The following CCSER1 variants were observed in gnomAD, a reference collection of about 807,000 sequenced individuals.
CCSER1 encodes coiled-coil serine rich protein 1, also known as serine-rich coiled-coil domain-containing protein 1.
CCSER1 carries 41 observed loss-of-function variants against 82.0 expected under a neutral mutation model. The observed-to-expected ratio is 0.50, with a 90% confidence interval of 0.39 to 0.65. CCSER1 has a LOEUF of 0.65. Ranked by LOEUF, CCSER1 falls within the 30% of genes least tolerant of loss-of-function variation. The pLI is 0.00. For missense variants in CCSER1, 1,119 were observed against 1,064.2 expected, an observed-to-expected ratio of 1.05 and a Z score of -0.72; for synonymous variants, 414 against 383.9, an observed-to-expected ratio of 1.08 and a Z score of -0.92.
At chr4:91,237,073 T>G (rs11930117) in intron 10 of CCSER1, among the ~76,000 whole-genome samples, 8,415 of 152,254 alleles carry the variant, frequency 0.055, 466 homozygotes, top group African/African-American at 0.14. Flanking sequence ...CTGTTTTAAA[T>G]TCAAGGTTTT....
At chr4:90,206,528 T>G (rs1452852768) in intron 1 of CCSER1, among the ~76,000 whole-genome samples, 7 of 152,174 alleles carry the variant, frequency 4.6e-5, no homozygotes, top group Admixed American at 2.6e-4. Flanking sequence ...TTCTTAATGC[T>G]GAGTTCTAAT....
intron 7 of CCSER1, among the ~76,000 whole-genome samples, chr4:90,745,044 G>A (rs529224110): frequency 2.4e-4 from 36 of 151,394 alleles, no homozygotes; most frequent in African/African-American, 8.3e-4. Context: ...CCACAAACTC[G>A]GTGGCTTAAA....
At chr4:91,048,980 T>G (rs565964174) in intron 9 of CCSER1, among the ~76,000 whole-genome samples, 1 of 152,264 alleles carries the variant, frequency 6.6e-6, no homozygotes, top group East Asian at 1.9e-4. Flanking sequence ...AATATTAAAC[T>G]AAAGTCTGGG....
intron 9 of CCSER1, among the ~76,000 whole-genome samples, chr4:90,974,056 G>A (rs934409251): frequency 6.6e-6 from 1 of 151,414 alleles, no homozygotes; most frequent in Admixed American, 6.6e-5. Context: ...TCAGGGGCTG[G>A]GATACGTAGG....
At chr4:90,716,652 A>C (rs1741691297) in intron 6 of CCSER1, among the ~76,000 whole-genome samples, 1 of 152,090 alleles carries the variant, frequency 6.6e-6, no homozygotes, top group Non-Finnish European at 1.5e-5. Context: ...AGTTGCCTAC[A>C]ATATTCAGTA....
chr4:91,279,080 A>G (rs1442759947), intron 10 of CCSER1, among the ~76,000 whole-genome samples: 2 of 150,882 alleles, frequency 1.3e-5, no homozygotes, highest in African/African-American at 2.4e-5. Context: ...TTCTTTCAGC[A>G]CTGAATATAT....
chr4:90,256,465 T>C (rs1256201316), intron 1 of CCSER1, among the ~76,000 whole-genome samples: 1 of 152,134 alleles, frequency 6.6e-6, no homozygotes, highest in African/African-American at 2.4e-5. Context: ...AGTTTTTAAG[T>C]GTTGATTCTG....
rs34265885 is a variant in CCSER1 at position 90,360,370 on chromosome 4, T to TAA, written c.1510-39657_1510-39656dup. Among the ~76,000 whole-genome samples, 10 of 144,898 alleles carry TAA rather than the reference T, an allele frequency of 6.9e-5. No homozygotes were observed. In the South Asian group the frequency reaches 1.1e-3, roughly 16 times the overall value. ...GGTGAAACCCCGTGTCTACTAAAAA[T>TAA]AAAAAAAAAATTAGCCGGGTGTGGT... On this transcript the variant is annotated intron_variant, in intron 3 of 10. Coordinates refer to ENST00000509176, the MANE Select transcript of CCSER1 (RefSeq NM_001145065.2).
At position 90,854,988 on chromosome 4, in the gene CCSER1, A is replaced by AGC. The variant is rs1554029468; in HGVS notation, c.2094+39144_2094+39145insCG. ...CCTTCTTCACATAGTGGCACGAGAG[A>AGC]GTGTGTGTGTGTGTGCGAGAGAGCA... is the stretch of plus-strand genomic sequence containing the variant. On this transcript the variant is annotated intron_variant, in intron 8 of 10. Transcript: ENST00000509176. Among the ~76,000 whole-genome samples the AGC allele has an allele frequency of 3.3e-5, 5 of 151,184 alleles. No individual in the cohort carries two copies. In the East Asian group the frequency reaches 9.8e-4, roughly 30 times the overall value.
chr4:90,286,512 T>A (rs1352162997), intron 1 of CCSER1, among the ~76,000 whole-genome samples: 2 of 152,006 alleles, frequency 1.3e-5, no homozygotes, highest in African/African-American at 4.8e-5. Context: ...TTATAAAAAT[T>A]ATTTTTCATA....
chr4:90,254,681 C>G (rs1722951430), intron 1 of CCSER1, among the ~76,000 whole-genome samples: 1 of 152,082 alleles, frequency 6.6e-6, no homozygotes, highest in Admixed American at 6.6e-5. Flanking sequence ...GTGTTCTTGT[C>G]TGTACATGCC....
chr4:90,219,258 G>A (rs1741685133), intron 1 of CCSER1, among the ~76,000 whole-genome samples: 1 of 152,138 alleles, frequency 6.6e-6, no homozygotes, highest in Non-Finnish European at 1.5e-5. Context: ...GGATTGATGG[G>A]GAGAACAATG....
chr4:91,201,704 T>TC (rs1454305158), intron 10 of CCSER1, among the ~76,000 whole-genome samples: 2 of 152,048 alleles, frequency 1.3e-5, no homozygotes. Context: ...CTGATATTCT[T>TC]AGTGTATTGG....
At chr4:90,402,894 G>A (rs1340928222) in intron 4 of CCSER1, among the ~76,000 whole-genome samples, 2 of 152,044 alleles carry the variant, frequency 1.3e-5, no homozygotes, top group Non-Finnish European at 2.9e-5. Flanking sequence ...TAAGGTGTAG[G>A]TTGCTTAGTT....
chr4:91,136,514 C>G (rs1728483890), intron 10 of CCSER1, among the ~76,000 whole-genome samples: 1 of 152,116 alleles, frequency 6.6e-6, no homozygotes, highest in Non-Finnish European at 1.5e-5. Context: ...AATGGATACC[C>G]TAAAGTCTTT....
chr4:91,110,100 C>G (rs972499721), intron 10 of CCSER1, among the ~76,000 whole-genome samples: 1 of 151,948 alleles, frequency 6.6e-6, no homozygotes, highest in African/African-American at 2.4e-5. Flanking sequence ...TATCTGACAC[C>G]ATTGCCAAAC....
At chr4:91,555,491 A>G (rs1762356484) in intron 10 of CCSER1, among the ~76,000 whole-genome samples, 1 of 151,136 alleles carries the variant, frequency 6.6e-6, no homozygotes, top group South Asian at 2.1e-4. Flanking sequence ...CAGTACTCTG[A>G]TTAGTTGTAT....
At chr4:91,578,226 CA>C (rs1371265368) in intron 10 of CCSER1, among the ~76,000 whole-genome samples, 13 of 151,944 alleles carry the variant, frequency 8.6e-5, no homozygotes, top group African/African-American at 2.7e-4. Context: ...TATGGTAGGC[CA>C]AAGGTAGTAT....
At chr4:91,177,168 C>T (rs962337144) in intron 10 of CCSER1, among the ~76,000 whole-genome samples, 1 of 152,158 alleles carries the variant, frequency 6.6e-6, no homozygotes, top group African/African-American at 2.4e-5. Context: ...AGGGATGAAG[C>T]CAACTTGATC....
Sources: gnomAD v4.1 joint callset for allele counts (sites outside exome capture counted in the v4.1 genomes callset) on GRCh38, gnomAD v4.1.1 for gene constraint, MANE v1.5 for transcripts, NCBI Gene and HGNC (gene_info 2026-07-23, HGNC 2026-07-21) for gene names.